The following LONP2 variants were observed in gnomAD, a reference collection of about 807,000 sequenced individuals.
The protein encoded by LONP2 is lon peptidase 2, peroxisomal.
LONP2 carries 60 observed loss-of-function variants against 85.6 expected under a neutral mutation model. The observed-to-expected ratio is 0.70, with a 90% CI of 0.57 to 0.87. The LOEUF (loss-of-function observed/expected upper bound fraction) is 0.87. LONP2 is among the 40% of genes least tolerant of loss of function. The pLI, the probability that LONP2 is intolerant of heterozygous loss-of-function variation, is 0.00. For synonymous variants in LONP2, 395 were observed against 389.7 expected (o/e 1.01, Z -0.16); for missense variants, 860 against 1,063.5 (o/e 0.81, Z 2.66).
intron 14 of LONP2, among the ~76,000 whole-genome samples, chr16:48,351,211 G>A (rs911781004): frequency 6.6e-6 from 1 of 152,162 alleles, no homozygotes; most frequent in Non-Finnish European, 1.5e-5. Context: ...CAGGAGCGGC[G>A]CTCATGGTCA....
intron 1 of LONP2, among the ~76,000 whole-genome samples, chr16:48,246,642 C>T (rs2150955870): frequency 6.6e-6 from 1 of 152,254 alleles, no homozygotes; most frequent in Middle Eastern, 3.4e-3. Flanking sequence ...GTGATCGTAG[C>T]CCACCGCAAC....
chr16:48,249,333 T>C (rs1971561660), intron 1 of LONP2, among the ~76,000 whole-genome samples: 1 of 152,228 alleles, frequency 6.6e-6, no homozygotes, highest in East Asian at 1.9e-4. Flanking sequence ...CTTTTGAGCA[T>C]GCCTAATAAT....
chr16:48,311,356 T>G (rs963421391), intron 11 of LONP2, among the ~76,000 whole-genome samples: 2 of 151,718 alleles, frequency 1.3e-5, no homozygotes, highest in African/African-American at 4.8e-5. Context: ...TTAAAATTCT[T>G]TTTTCTTTTT....
At position 48,362,595 on chromosome 16, in the gene LONP2, C is replaced by A; in HGVS notation, c.*732C>A. 1.5e-6 allele frequency: 1 copy of A among 684,066 alleles called. No individual in the cohort carries two copies. The highest frequency in any genetic ancestry group is 2.5e-6 in the Non-Finnish European group (1 of 406,014). The allele number at this position is 684,066 out of a possible 1,614,324, so 42.4% of individuals were successfully genotyped here. A position where few individuals can be genotyped will look rare whatever the true frequency, so the allele number is the denominator to read the frequency against. On this transcript the variant is annotated 3_prime_UTR_variant, in exon 5 of 5. Transcript: ENST00000565867. This position sits in a 1 kb window ranked among gnomAD's most constrained non-coding sequence, Gnocchi z 4.2. ...AAAAGATATTAAAAAAATAAAATTA[C>A]ACTGAATGTGCACTTTATTAGGATC...
chr16:48,289,557 G>T (rs1287256158), intron 8 of LONP2, among the ~76,000 whole-genome samples: 1 of 152,134 alleles, frequency 6.6e-6, no homozygotes, highest in Non-Finnish European at 1.5e-5. Context: ...CTCTAGTCTG[G>T]TGATTTTGGG....
At chr16:48,350,180 G>GT (rs1411505973) in intron 14 of LONP2, among the ~76,000 whole-genome samples, 1 of 152,198 alleles carries the variant, frequency 6.6e-6, no homozygotes, top group African/African-American at 2.4e-5. Flanking sequence ...GAGGTTAGGA[G>GT]TTTGAGACCA....
At chr16:48,337,847 T>C (rs1257688968) in intron 12 of LONP2, among the ~76,000 whole-genome samples, 1 of 152,224 alleles carries the variant, frequency 6.6e-6, no homozygotes, top group Non-Finnish European at 1.5e-5. Flanking sequence ...GAGGTCTCAC[T>C]CTGTCACCTA....
rs748918590 is a variant in LONP2, at chr16:48,296,118, C to T, written c.1487C>T (p.Thr496Ile). 6.2e-7 allele frequency: 1 copy of T among 1,614,188 alleles called. No individual in the cohort carries two copies. The highest frequency in any genetic ancestry group is 1.1e-5 in the South Asian group (1 of 91,080). The change falls in exon 9 of 15, where the codon ACC (threonine) becomes ATC (isoleucine). Residue 496 changes from threonine to isoleucine, a missense_variant. Coordinates refer to ENST00000285737, the MANE Select transcript of LONP2 (RefSeq NM_031490.5). ...ATAGCTACTGCCAACACCACTGCTA[C>T]CATTCCAGCTGCCTTGTTGGACAGA... ...LFIATANTTA[T>I]IPAALLDRME...
intron 5 of LONP2, 100 bp from the exon 6 acceptor site, chr16:48,262,678 C>A: frequency 1.5e-6 from 1 of 669,736 alleles, no homozygotes; most frequent in South Asian, 2.0e-5. Context: ...TTTAAACATG[C>A]ATGATATATC....
intron 10 of LONP2, 54 bp from the exon 11 acceptor site, chr16:48,303,118 C>A (rs1465469783): frequency 9.2e-5 from 146 of 1,582,384 alleles, no homozygotes; most frequent in Non-Finnish European, 9.2e-5. Flanking sequence ...CATTACCTCT[C>A]TATTTTTTTA....
At chr16:48,299,045 C>T (rs1972740567) in intron 9 of LONP2, among the ~76,000 whole-genome samples, 1 of 151,560 alleles carries the variant, frequency 6.6e-6, no homozygotes, top group African/African-American at 2.4e-5. Flanking sequence ...CATGCGCAAC[C>T]ATGCTCAGCT....
chr16:48,252,559 C>T (rs1428937678), intron 2 of LONP2, among the ~76,000 whole-genome samples, 194 bp downstream of exon 2: 1 of 152,170 alleles, frequency 6.6e-6, no homozygotes, highest in African/African-American at 2.4e-5. Context: ...TTGGCCTACC[C>T]TTTCTAAAGT....
chr16:48,318,410 T>G (rs1434187636), intron 11 of LONP2, among the ~76,000 whole-genome samples: 1 of 151,944 alleles, frequency 6.6e-6, no homozygotes, highest in African/African-American at 2.4e-5. Context: ...TCCCAGCTAC[T>G]TGGGAGGCTG....
chr16:48,349,463 A>G lies in LONP2; in HGVS notation c.2337+1173A>G, dbSNP rs565554972. Among the ~76,000 whole-genome samples the G allele has an allele frequency of 2.0e-4, 30 of 152,210 alleles. No individual in the cohort carries two copies. The East Asian group carries it at 5.6e-3, about 29-fold the overall frequency. On this transcript the variant is annotated intron_variant, in intron 14 of 14. Transcript: ENST00000285737. ...TTTTTTCTATTTTTAGAACCTCCAT[A>G]GAACAAATGGGTTTTCTACTTGGTC...
At chr16:48,345,061 A>C (rs1012942792) in intron 12 of LONP2, 3 of 151,966 alleles carry the variant, frequency 2.0e-5, no homozygotes, top group African/African-American at 7.3e-5. Flanking sequence ...TCTCTATTAA[A>C]AATACAAAAA....
At chr16:48,310,362 T>C (rs1445507454) in intron 11 of LONP2, among the ~76,000 whole-genome samples, 1 of 151,972 alleles carries the variant, frequency 6.6e-6, no homozygotes, top group Non-Finnish European at 1.5e-5. Flanking sequence ...TTTTTTCTTT[T>C]AAGCAAGAGT....
At chr16:48,338,131 C>T (rs1959708058) in intron 12 of LONP2, among the ~76,000 whole-genome samples, 1 of 152,016 alleles carries the variant, frequency 6.6e-6, no homozygotes, top group Non-Finnish European at 1.5e-5. Context: ...TGTCTAAATG[C>T]CTGTATTCTC....
Position 48,351,684 on chromosome 16 carries a change from A to G in LONP2, c.2441A>G (p.Asn814Ser). Residue 814 changes from asparagine (N) to serine (S), a missense_variant, in exon 15 of 15, where the codon AAC becomes AGC. Around this residue, in one of 3 missense-constraint regions of LONP2, gnomAD observed 115 missense variants for 129.0 expected, o/e 0.89. Coordinates refer to ENST00000285737, the MANE Select transcript of LONP2 (RefSeq NM_031490.5). ...AAAGACCTTGAGGGAATCCCAGGCA[A>G]CGTACGACAGGATTTAAGTTTTGTC... ...NEKDLEGIPG[N>S]VRQDLSFVTA... is the part of the protein sequence containing the mutation. The G allele has an allele frequency of 4.3e-6, 7 of 1,614,216 alleles. No homozygotes were observed. The highest frequency in any genetic ancestry group is 5.9e-6 in the Non-Finnish European group (7 of 1,180,036).
At chr16:48,274,453 T>G (rs528512905) in intron 7 of LONP2, among the ~76,000 whole-genome samples, 1 of 148,170 alleles carries the variant, frequency 6.7e-6, no homozygotes, top group South Asian at 2.1e-4. Flanking sequence ...TTGGAAGTTA[T>G]GCAACCCTTT....
Sources: allele counts gnomAD v4.1 joint callset (sites outside exome capture counted in the v4.1 genomes callset), GRCh38; gene constraint gnomAD v4.1.1; regional missense constraint gnomAD v4.1.1; non-coding constraint Gnocchi (gnomAD v3.1); transcripts MANE v1.5; gene names NCBI Gene and HGNC (gene_info 2026-07-23, HGNC 2026-07-21).